Variants in TDRD1 observed in about 807,000 individuals in gnomAD.
TDRD1 encodes the protein tudor domain-containing protein 1.
TDRD1 carries 37 observed loss-of-function variants against 140.6 expected under a neutral mutation model. That is an observed-to-expected ratio of 0.26 (90% CI 0.20 to 0.35). The LOEUF is 0.35. TDRD1 is among the 10% of genes least tolerant of loss of function. The pLI, the probability that TDRD1 is intolerant of heterozygous loss-of-function variation, is 1.00. For synonymous variants in TDRD1, 506 were observed against 475.7 expected (o/e 1.06, Z -0.83); for missense variants, 1,243 against 1,393.0 (o/e 0.89, Z 1.71).
intron 1 of TDRD1, among the ~76,000 whole-genome samples, chr10:114,181,159 A>G (rs1475102748): frequency 2.6e-5 from 4 of 152,234 alleles, no homozygotes; most frequent in Non-Finnish European, 5.9e-5. Context: ...CTAGTACATC[A>G]GTGATTCCTA....
In TDRD1 at chr10:114,198,937, C is replaced by T. The variant is rs574757704; in HGVS notation, c.385-236C>T. Among the ~76,000 whole-genome samples, 5 of 152,344 alleles carry T rather than the reference C, an allele frequency of 3.3e-5. No individual in the cohort carries two copies. In the East Asian group the frequency reaches 7.7e-4, roughly 24 times the overall value. ...TGAGGCAAAAAGAAAACCCAGACATCTTATTGCCATGTCACTCTTTGGGTC... is the reference window on the plus strand; with the variant it reads ...TGAGGCAAAAAGAAAACCCAGACATTTTATTGCCATGTCACTCTTTGGGTC... On this transcript the variant is annotated intron_variant, in intron 3 of 25. Coordinates refer to ENST00000251864, the Ensembl canonical transcript of TDRD1.
chr10:114,183,607 T>C (rs2033272045), intron 1 of TDRD1, among the ~76,000 whole-genome samples: 1 of 152,120 alleles, frequency 6.6e-6, no homozygotes, highest in Non-Finnish European at 1.5e-5. Context: ...TGCTTTTTCA[T>C]TTGCCATTCT....
At chr10:114,184,241 C>T (rs965759402) in intron 1 of TDRD1, among the ~76,000 whole-genome samples, 3 of 151,620 alleles carry the variant, frequency 2.0e-5, no homozygotes, top group Non-Finnish European at 4.4e-5. Context: ...CCTTCTTCCT[C>T]TCTGCATTCT....
At position 114,209,807 on chromosome 10, in the gene TDRD1, T is replaced by C. The variant is rs114712537; in HGVS notation, c.1385-774T>C. ...TATAATCTAGATAATTATTTTCTTA[T>C]ATTTCTGTGTTTAAAACAATGAAGT... On this transcript the variant is annotated intron_variant, in intron 11 of 25. Coordinates refer to ENST00000251864, the Ensembl canonical transcript of TDRD1. Among the ~76,000 whole-genome samples, 290 of 152,346 alleles carry C rather than the reference T, an allele frequency of 1.9e-3. 1 individual carries two copies. The highest frequency in any genetic ancestry group is 6.7e-3 in the African/African-American group (278 of 41,592).
At chr10:114,177,593 G>A (rs2032724683), upstream of TDRD1, among the ~76,000 whole-genome samples, 1 of 152,132 alleles carries the variant, frequency 6.6e-6, no homozygotes, top group Non-Finnish European at 1.5e-5. Flanking sequence ...AAGAGCCTAA[G>A]GATCCATGAA....
intron 1 of TDRD1, among the ~76,000 whole-genome samples, chr10:114,182,007 G>T (rs1370698382): frequency 1.3e-5 from 2 of 152,122 alleles, no homozygotes; most frequent in Non-Finnish European, 2.9e-5. Flanking sequence ...AATTCCAAAA[G>T]GTTTTAGGTG....
chr10:114,203,523 C>T (rs866823311), exon 8 of TDRD1: 1 of 1,612,728 alleles, frequency 6.2e-7, no homozygotes, highest in Non-Finnish European at 8.5e-7. Context: ...AGACTATATT[C>T]CTGTTAAGGG....
intron 1 of TDRD1, among the ~76,000 whole-genome samples, chr10:114,183,270 C>T (rs978502244): frequency 2.6e-5 from 4 of 152,128 alleles, no homozygotes; most frequent in Non-Finnish European, 5.9e-5. Flanking sequence ...AACTCAGTGT[C>T]TTAAGAAGAT....
exon 10 of TDRD1, chr10:114,204,764 A>G (rs2034993503): frequency 1.9e-6 from 3 of 1,600,510 alleles, no homozygotes; most frequent in Non-Finnish European, 2.6e-6. Context: ...AGCAGAAGGG[A>G]ATTGGAGCAG....
intron 13 of TDRD1, among the ~76,000 whole-genome samples, chr10:114,211,592 T>A (rs1158570398): frequency 6.6e-6 from 1 of 152,246 alleles, no homozygotes; most frequent in Non-Finnish European, 1.5e-5. Flanking sequence ...ATGATCAGGA[T>A]ATGTTCTCTG....
chr10:114,212,058 C>T, intron 14 of TDRD1, 22 bp downstream of exon 14: 1 of 1,571,894 alleles, frequency 6.4e-7, no homozygotes, highest in South Asian at 1.2e-5. Context: ...TTATAGCCTC[C>T]ATATTCTTTA....
chr10:114,231,009 G>T (rs1205049258), intron 25 of TDRD1, among the ~76,000 whole-genome samples: 1 of 152,212 alleles, frequency 6.6e-6, no homozygotes, highest in Non-Finnish European at 1.5e-5. Flanking sequence ...GAAGGTTGCA[G>T]TGAGCCGAGA....
At chr10:114,208,911 C>CTAG (rs976845028) in intron 11 of TDRD1, among the ~76,000 whole-genome samples, 1 of 151,782 alleles carries the variant, frequency 6.6e-6, no homozygotes, top group Non-Finnish European at 1.5e-5. Flanking sequence ...GTGGCTGGGA[C>CTAG]TAGTAGGTGG....
chr10:114,183,570 A>T (rs1270432674), intron 1 of TDRD1, among the ~76,000 whole-genome samples: 1 of 152,094 alleles, frequency 6.6e-6, no homozygotes, highest in Non-Finnish European at 1.5e-5. Context: ...TGCGGTTATA[A>T]TTATATTGAA....
chr10:114,185,610 G>T (rs949021661), intron 1 of TDRD1, among the ~76,000 whole-genome samples: 1 of 151,882 alleles, frequency 6.6e-6, no homozygotes, highest in Non-Finnish European at 1.5e-5. Flanking sequence ...ATTTCAAGGC[G>T]GAGTTTTGCT....
intron 18 of TDRD1, among the ~76,000 whole-genome samples, chr10:114,219,016 G>A (rs1241971111): frequency 6.6e-6 from 1 of 152,192 alleles, no homozygotes; most frequent in Admixed American, 6.5e-5. Context: ...AATGGATAAT[G>A]ATAGTACTTA....
In TDRD1 at chr10:114,191,108, G is replaced by A. The variant is rs2033928876; in HGVS notation, c.384+89G>A. On this transcript the variant is annotated intron_variant, in intron 3 of 25. Transcript: ENST00000251864. ...TAATAAAGAAGTGTTCAATTTGTAG[G>A]TATCATTCAAGATCAAATGTTTTTT... The A allele has an allele frequency of 2.9e-6, 4 of 1,356,650 alleles. No individual in the cohort carries two copies. In the South Asian group the frequency reaches 5.5e-5, roughly 19 times the overall value. 84.0% of individuals were successfully genotyped at this position (1,356,650 alleles called of 1,614,324 possible).
chr10:114,214,269 G>C (rs1664015620), intron 16 of TDRD1, among the ~76,000 whole-genome samples, 155 bp downstream of exon 16: 1 of 152,172 alleles, frequency 6.6e-6, no homozygotes, highest in Non-Finnish European at 1.5e-5. Context: ...TACTTAGTTA[G>C]CTTTTATTCT....
At chr10:114,220,917 CATAAA>C (rs2036104438) in intron 19 of TDRD1, 74 bp downstream of exon 19, 5 of 1,028,570 alleles carry the variant, frequency 4.9e-6, no homozygotes, top group Non-Finnish European at 7.2e-6. Flanking sequence ...AATTTTCCAT[CATAAA>C]TGACAGTTTT....
Sources: gnomAD v4.1 joint callset for allele counts (sites outside exome capture counted in the v4.1 genomes callset) on GRCh38, gnomAD v4.1.1 for gene constraint, MANE v1.5 for transcripts, NCBI Gene and HGNC (gene_info 2026-07-23, HGNC 2026-07-21) for gene names.